Variants in METTL24 observed in about 807,000 individuals in gnomAD.
METTL24 encodes the protein probable methyltransferase-like protein 24.
Under a neutral mutation model 32.7 loss-of-function variants are expected in METTL24, and 29 were observed. The ratio of observed to expected loss-of-function variants is 0.89; its 90% CI spans 0.66 to 1.21. The LOEUF is 1.21. METTL24 is among the 50% of genes most tolerant of loss of function. The pLI, the probability that METTL24 is intolerant of heterozygous loss-of-function variation, is 0.00. For synonymous variants in METTL24, 163 were observed against 179.5 expected, an observed-to-expected ratio of 0.91 and a Z score of 0.73; for missense variants, 439 against 468.1, an observed-to-expected ratio of 0.94 and a Z score of 0.57.
intron 4 of METTL24, among the ~76,000 whole-genome samples, chr6:110,292,720 A>T (rs1259690573): frequency 3.3e-5 from 5 of 151,782 alleles, no homozygotes; most frequent in African/African-American, 7.2e-5. Context: ...ATTTTTTTTT[A>T]AATCCCCATA....
intron 4 of METTL24, among the ~76,000 whole-genome samples, chr6:110,276,430 GAA>G (rs1271691007): frequency 7.9e-5 from 12 of 152,178 alleles, no homozygotes; most frequent in Admixed American, 7.9e-4. Context: ...CAGCCTAAGT[GAA>G]AGAGTGAGGC....
At chr6:110,292,150 T>G (rs1366342372) in intron 4 of METTL24, among the ~76,000 whole-genome samples, 1 of 152,258 alleles carries the variant, frequency 6.6e-6, no homozygotes, top group Non-Finnish European at 1.5e-5. Context: ...ATGGTGGCTA[T>G]GCAGATTGTT....
chr6:110,309,225 C>A (rs895723593), intron 3 of METTL24, among the ~76,000 whole-genome samples: 14 of 152,076 alleles, frequency 9.2e-5, no homozygotes, highest in African/African-American at 2.9e-4. Flanking sequence ...GAAGAGGTAA[C>A]ACAATTGGTG....
intron 2 of METTL24, among the ~76,000 whole-genome samples, chr6:110,319,468 A>C (rs1339965438): frequency 1.5e-5 from 2 of 136,998 alleles, no homozygotes; most frequent in African/African-American, 5.5e-5. Context: ...TAGATGACAG[A>C]CAGAAAAACA....
At chr6:110,357,533 C>T (rs1772723938) in intron 1 of METTL24, 2 of 152,456 alleles carry the variant, frequency 1.3e-5, no homozygotes, top group African/African-American at 4.8e-5. Flanking sequence ...CAACTCTGTC[C>T]AGGCCTTAAG....
intron 1 of METTL24, among the ~76,000 whole-genome samples, chr6:110,329,018 C>T (rs9481057): frequency 0.012 from 1,895 of 152,300 alleles, 37 homozygotes; most frequent in African/African-American, 0.043. Flanking sequence ...AAGGATGCTT[C>T]TAATGCCCCA....
At chr6:110,334,125 G>A (rs867902665) in intron 1 of METTL24, among the ~76,000 whole-genome samples, 6 of 152,046 alleles carry the variant, frequency 3.9e-5, no homozygotes, top group African/African-American at 9.7e-5. Context: ...GGGTCTTCCC[G>A]CAACACCTGC....
At chr6:110,341,515 A>T (rs910526685) in intron 1 of METTL24, among the ~76,000 whole-genome samples, 1 of 152,254 alleles carries the variant, frequency 6.6e-6, no homozygotes, top group East Asian at 1.9e-4. Context: ...ACCAGTTCAA[A>T]TTTTTTTTAA....
At chr6:110,270,926 C>T (rs776712901) in intron 4 of METTL24, among the ~76,000 whole-genome samples, 10 of 151,034 alleles carry the variant, frequency 6.6e-5, no homozygotes, top group Non-Finnish European at 1.5e-4. Flanking sequence ...CAACCTCTAC[C>T]TCCTGGGTTC....
chr6:110,324,388 C>T (rs1771983553), intron 1 of METTL24, among the ~76,000 whole-genome samples: 1 of 152,198 alleles, frequency 6.6e-6, no homozygotes, highest in South Asian at 2.1e-4. Context: ...ACCCATAGGG[C>T]AGGGCCAGCT....
At chr6:110,337,234 G>A (rs1562241884) in intron 1 of METTL24, among the ~76,000 whole-genome samples, 1 of 152,144 alleles carries the variant, frequency 6.6e-6, no homozygotes, top group African/African-American at 2.4e-5. Flanking sequence ...GAACTCATAG[G>A]CACAAAGGAG....
At chr6:110,334,103 C>CAG (rs536354459) in intron 1 of METTL24, among the ~76,000 whole-genome samples, 21 of 151,388 alleles carry the variant, frequency 1.4e-4, no homozygotes, top group Non-Finnish European at 2.9e-4. Flanking sequence ...TGAGAGAAAA[C>CAG]AGAGGAAAGG....
chr6:110,248,353 C>A (rs941051298), intron 4 of METTL24, among the ~76,000 whole-genome samples: 5 of 152,188 alleles, frequency 3.3e-5, no homozygotes, highest in Non-Finnish European at 5.9e-5. Context: ...ATAACAGCTA[C>A]AAGAAAATGG....
At chr6:110,343,230 C>T (rs1274520902) in intron 1 of METTL24, among the ~76,000 whole-genome samples, 3 of 152,182 alleles carry the variant, frequency 2.0e-5, no homozygotes. Flanking sequence ...AAAAGGGGTT[C>T]TGCATGAAGC....
chr6:110,332,564 ACC>A, intron 1 of METTL24: 4 of 788,608 alleles, frequency 5.1e-6, no homozygotes, highest in Non-Finnish European at 6.1e-6. Context: ...TAGCACATCA[ACC>A]TGGAAAGGAG....
At position 110,322,872 on chromosome 6, in the gene METTL24, C is replaced by G; in HGVS notation, c.319G>C (p.Gly107Arg). The G allele has an allele frequency of 1.2e-6, 2 of 1,609,294 alleles. No homozygotes were observed. The highest frequency in any genetic ancestry group is 1.7e-6 in the Non-Finnish European group (2 of 1,178,528). Residue 107 changes from glycine (G) to arginine (R), a missense_variant and splice_region_variant, in exon 2 of 5, where the codon GGT becomes CGT. Gly to Arg is a moderately radical substitution (Grantham distance 125). Coordinates refer to ENST00000338882, the MANE Select transcript of METTL24 (RefSeq NM_001123364.3). ...TGGAGATCTATATGCCACCGGGGAC[C>G]CTGCAAGAGACAGAAAACATAGGTT... ...CAPRGRPRRK[G>R]PRWHIDLQPW...
chr6:110,288,114 G>A (rs1230009846), intron 4 of METTL24, among the ~76,000 whole-genome samples: 1 of 152,116 alleles, frequency 6.6e-6, no homozygotes, highest in Non-Finnish European at 1.5e-5. Flanking sequence ...ACATCAACAG[G>A]GCACAGAGTA....
chr6:110,270,129 T>G (rs550449959), intron 4 of METTL24, among the ~76,000 whole-genome samples: 1 of 152,274 alleles, frequency 6.6e-6, no homozygotes, highest in African/African-American at 2.4e-5. Flanking sequence ...TTTTTTTGAG[T>G]GCATATGTTG....
At chr6:110,271,726 C>T (rs1312741468) in intron 4 of METTL24, among the ~76,000 whole-genome samples, 1 of 152,048 alleles carries the variant, frequency 6.6e-6, no homozygotes, top group Non-Finnish European at 1.5e-5. Flanking sequence ...CATTTAAATG[C>T]AATTATAAAT....
Sources: allele counts gnomAD v4.1 joint callset (sites outside exome capture counted in the v4.1 genomes callset), GRCh38; gene constraint gnomAD v4.1.1; transcripts MANE v1.5; gene names NCBI Gene and HGNC (gene_info 2026-07-23, HGNC 2026-07-21).